MRPS6: variants seen among roughly 807,000 people sequenced by gnomAD.
The protein encoded by MRPS6 is mitochondrial ribosomal protein S6, also known as small ribosomal subunit protein bS6m.
In MRPS6, 6 loss-of-function variants were observed where a neutral mutation model predicts 13.1. That is an observed-to-expected ratio of 0.46 (90% confidence interval 0.25 to 0.91). The LOEUF (loss-of-function observed/expected upper bound fraction) is 0.91. MRPS6 is among the 40% of genes least tolerant of loss of function. The probability of loss-of-function intolerance (pLI) is 0.18; values close to 1 mark genes in which losing one functional copy is unlikely to be tolerated. For synonymous variants in MRPS6, 61 were observed against 56.5 expected (o/e 1.08, Z -0.36); for missense variants, 164 against 155.6 (o/e 1.05, Z -0.29).
chr21:34,125,925 C>T (rs139822616), intron 2 of MRPS6, among the ~76,000 whole-genome samples: 8 of 152,286 alleles, frequency 5.3e-5, no homozygotes, highest in African/African-American at 1.7e-4. Context: ...ATGGTAATAC[C>T]TACTCCAAGT....
At chr21:34,088,055 C>A (rs1978487095) in intron 1 of MRPS6, among the ~76,000 whole-genome samples, 1 of 152,178 alleles carries the variant, frequency 6.6e-6, no homozygotes, top group Non-Finnish European at 1.5e-5. Context: ...TACCCCGGAA[C>A]AACAGGCAAC....
At chr21:34,135,470 T>C in intron 2 of MRPS6, 1 of 499,482 alleles carries the variant, frequency 2.0e-6, no homozygotes, top group South Asian at 1.5e-5. Context: ...AGCTCATCCT[T>C]CTTCTTGATG....
chr21:34,141,100 C>T (rs1056406958), intron 2 of MRPS6, among the ~76,000 whole-genome samples: 2 of 152,206 alleles, frequency 1.3e-5, no homozygotes, highest in African/African-American at 4.8e-5. Context: ...ACTTGATCTT[C>T]CCAGCTTCCT....
intron 2 of MRPS6, among the ~76,000 whole-genome samples, chr21:34,135,084 T>C (rs1980642074): frequency 6.6e-6 from 1 of 152,146 alleles, no homozygotes; most frequent in East Asian, 1.9e-4. Context: ...AGCATAATTA[T>C]TTTGAGATCA....
chr21:34,105,221 C>T (rs772183302), intron 1 of MRPS6: 204 of 1,000,064 alleles, frequency 2.0e-4, no homozygotes, highest in Admixed American at 2.5e-4. Flanking sequence ...GGGATTTACC[C>T]GTTCTTTGCT....
In MRPS6 at chr21:34,095,304, G is replaced by A. The variant is rs143443984; in HGVS notation, c.45+21559G>A. ...CATGTGGAAATCTAATAGAAGCACC[G>A]TGAGTGGATACTTCCTGGCGGGGCG... is the stretch of plus-strand genomic sequence containing the variant. On this transcript the variant is annotated intron_variant, in intron 1 of 2. Transcript: ENST00000399312. 18 of 1,614,140 alleles carry A rather than the reference G, an allele frequency of 1.1e-5. No homozygotes were observed. Among genetic ancestry groups the A allele is most frequent in the Non-Finnish European group, 1.4e-5 (17 of 1,179,990 alleles).
chr21:34,099,515 A>G (rs1028190131), intron 1 of MRPS6: 9 of 999,480 alleles, frequency 9.0e-6, no homozygotes, highest in Non-Finnish European at 1.1e-5. Context: ...TTTGAACCAC[A>G]TTACTGTGTA....
chr21:34,086,353 T>G (rs1169351406), intron 1 of MRPS6, among the ~76,000 whole-genome samples: 2 of 152,224 alleles, frequency 1.3e-5, no homozygotes, highest in Non-Finnish European at 2.9e-5. Context: ...GCGTCCATTT[T>G]GAAGTCCCCC....
At chr21:34,093,578 T>G (rs1978817773) in intron 1 of MRPS6, among the ~76,000 whole-genome samples, 1 of 151,670 alleles carries the variant, frequency 6.6e-6, no homozygotes, top group Non-Finnish European at 1.5e-5. Context: ...GGAAAATGCC[T>G]AGAATCATCA....
intron 1 of MRPS6, 25 bp downstream of exon 1, chr21:34,073,770 G>T: frequency 6.8e-7 from 1 of 1,473,560 alleles, no homozygotes; most frequent in African/African-American, 1.5e-5. Context: ...CTCAGAGCCG[G>T]TCTTCCCGCG....
At chr21:34,082,108 AAATGT>A (rs960088161) in intron 1 of MRPS6, among the ~76,000 whole-genome samples, 3 of 151,756 alleles carry the variant, frequency 2.0e-5, no homozygotes, top group Non-Finnish European at 4.4e-5. Flanking sequence ...ACCATGGATC[AAATGT>A]AATGTATCTG....
chr21:34,106,347 G>A (rs1470896660), intron 1 of MRPS6: 1 of 224,996 alleles, frequency 4.4e-6, no homozygotes, highest in Non-Finnish European at 8.1e-6. Flanking sequence ...TTGTACCTCA[G>A]TTTCTTTTGC....
At chr21:34,083,107 T>G (rs779712417) in intron 1 of MRPS6, among the ~76,000 whole-genome samples, 20 of 152,226 alleles carry the variant, frequency 1.3e-4, no homozygotes, top group Non-Finnish European at 2.9e-4. Context: ...AGTTTCTCTG[T>G]AACACCTACC....
At chr21:34,104,909 A>T in intron 1 of MRPS6, 2 of 1,000,214 alleles carry the variant, frequency 2.0e-6, no homozygotes, top group Non-Finnish European at 2.4e-6. Flanking sequence ...AATGCCTTTC[A>T]TCTATAATTT....
chr21:34,103,357 G>A (rs1979333867), intron 1 of MRPS6: 4 of 979,960 alleles, frequency 4.1e-6, no homozygotes, highest in South Asian at 4.9e-5. Context: ...CATACTTTAT[G>A]TGCAGCCTTT....
At chr21:34,116,178 T>TGTGTGTGTG (rs1979892869) in intron 1 of MRPS6, among the ~76,000 whole-genome samples, 2 of 141,284 alleles carry the variant, frequency 1.4e-5, no homozygotes, top group African/African-American at 5.3e-5. Context: ...CCAGCTAATT[T>TGTGTGTGTG]TGTGTGTGTG....
intron 1 of MRPS6, among the ~76,000 whole-genome samples, chr21:34,118,541 ATTTCTTTC>A (rs754297980): frequency 7.2e-6 from 1 of 138,270 alleles, no homozygotes; most frequent in African/African-American, 2.8e-5. Context: ...GTTACTCCAC[ATTTCTTTC>A]TTTCTTTCTT....
chr21:34,112,415 C>T (rs183073058), intron 1 of MRPS6, among the ~76,000 whole-genome samples: 2 of 81,872 alleles, frequency 2.4e-5, no homozygotes, highest in East Asian at 8.0e-4. Flanking sequence ...TAGAAAGTAG[C>T]TGGATCTTTT....
At chr21:34,086,110 C>T (rs1473382559) in intron 1 of MRPS6, among the ~76,000 whole-genome samples, 7 of 152,202 alleles carry the variant, frequency 4.6e-5, no homozygotes, top group African/African-American at 1.7e-4. Flanking sequence ...CACTCTTTAC[C>T]TTTCCGGATT....
Sources: allele counts gnomAD v4.1 joint callset (sites outside exome capture counted in the v4.1 genomes callset), GRCh38; gene constraint gnomAD v4.1.1; transcripts MANE v1.5; gene names NCBI Gene and HGNC (gene_info 2026-07-23, HGNC 2026-07-21).